The following TEAD1 variants were observed in gnomAD, a reference collection of about 807,000 sequenced individuals.
TEAD1 encodes the protein transcriptional enhancer factor TEF-1.
In TEAD1, 9 loss-of-function variants were observed where a neutral mutation model predicts 54.9. That is an observed-to-expected ratio of 0.16 (90% CI 0.10 to 0.29). The LOEUF is 0.29. TEAD1 is among the 10% of genes least tolerant of loss of function. The pLI, the probability that TEAD1 is intolerant of heterozygous loss-of-function variation, is 1.00. For missense variants in TEAD1, 387 were observed against 535.9 expected, an observed-to-expected ratio of 0.72 and a Z score of 2.74; for synonymous variants, 200 against 187.8, an observed-to-expected ratio of 1.07 and a Z score of -0.53.
At chr11:12,794,733 A>T (rs1222708446) in intron 3 of TEAD1, among the ~76,000 whole-genome samples, 1 of 152,180 alleles carries the variant, frequency 6.6e-6, no homozygotes, top group Non-Finnish European at 1.5e-5. Flanking sequence ...CGGCAGGAGC[A>T]CCCGAGTGGG....
At chr11:12,855,274 T>C (rs1051629974) in intron 3 of TEAD1, among the ~76,000 whole-genome samples, 1 of 152,070 alleles carries the variant, frequency 6.6e-6, no homozygotes, top group African/African-American at 2.4e-5. Context: ...TTTCTTTTTT[T>C]TTCTTTTTTC....
chr11:12,756,170 G>C (rs1252964136), intron 2 of TEAD1, among the ~76,000 whole-genome samples: 1 of 152,164 alleles, frequency 6.6e-6, no homozygotes, highest in African/African-American at 2.4e-5. Flanking sequence ...TTGTTGATGG[G>C]ATTCTGTTGA....
intron 10 of TEAD1, among the ~76,000 whole-genome samples, chr11:12,917,348 C>G (rs1048892378): frequency 6.6e-6 from 1 of 152,120 alleles, no homozygotes; most frequent in Non-Finnish European, 1.5e-5. Context: ...TAAGGAGTTG[C>G]GTCCCTTCTA....
At chr11:12,676,252 G>C (rs1943084920) in intron 2 of TEAD1, among the ~76,000 whole-genome samples, 1 of 152,230 alleles carries the variant, frequency 6.6e-6, no homozygotes, top group Admixed American at 6.5e-5. Flanking sequence ...TTTCCACCTT[G>C]GTTGTTTTTG....
chr11:12,824,091 T>G (rs1359194517), intron 3 of TEAD1, among the ~76,000 whole-genome samples: 5 of 152,242 alleles, frequency 3.3e-5, no homozygotes, highest in Non-Finnish European at 2.9e-5. Context: ...ATTGTTTCCT[T>G]TCTCACAAGA....
intron 3 of TEAD1, among the ~76,000 whole-genome samples, chr11:12,831,764 G>A (rs1222248279): frequency 6.7e-6 from 1 of 148,290 alleles, no homozygotes; most frequent in Non-Finnish European, 1.5e-5. Flanking sequence ...CCTGGTGACA[G>A]AGTGAGACGC....
intron 9 of TEAD1, among the ~76,000 whole-genome samples, chr11:12,897,475 G>A (rs1948334722): frequency 6.6e-6 from 1 of 152,136 alleles, no homozygotes; most frequent in Non-Finnish European, 1.5e-5. Context: ...GGGAGAGGGT[G>A]GTCTGTTTGT....
chr11:12,814,849 GT>G (rs2133993757), intron 3 of TEAD1, among the ~76,000 whole-genome samples: 1 of 149,174 alleles, frequency 6.7e-6, no homozygotes, highest in East Asian at 2.0e-4. Flanking sequence ...GTCCCCGTCC[GT>G]CCCGAGCTGT....
At chr11:12,708,120 A>G (rs1224762757) in intron 2 of TEAD1, among the ~76,000 whole-genome samples, 2 of 147,538 alleles carry the variant, frequency 1.4e-5, no homozygotes, top group Non-Finnish European at 3.0e-5. Context: ...CAATTCCAGC[A>G]GCTGCTCACT....
At chr11:12,811,973 C>T (rs938760685) in intron 3 of TEAD1, among the ~76,000 whole-genome samples, 10 of 152,110 alleles carry the variant, frequency 6.6e-5, no homozygotes, top group African/African-American at 2.4e-4. Flanking sequence ...TCCTGTTTTG[C>T]TTTATGATGT....
chr11:12,785,593 A>G (rs1303535298), intron 3 of TEAD1, among the ~76,000 whole-genome samples: 1 of 152,168 alleles, frequency 6.6e-6, no homozygotes, highest in African/African-American at 2.4e-5. Context: ...CTTTTGGCTC[A>G]ATTCTTATTC....
intron 5 of TEAD1, among the ~76,000 whole-genome samples, chr11:12,877,705 C>T (rs1319700822): frequency 1.3e-5 from 2 of 151,292 alleles, no homozygotes; most frequent in Non-Finnish European, 2.9e-5. Context: ...GCTCCGTTTT[C>T]TTTTTCCCCC....
chr11:12,792,689 G>T (rs993506063), intron 3 of TEAD1, among the ~76,000 whole-genome samples: 1 of 152,078 alleles, frequency 6.6e-6, no homozygotes, highest in Non-Finnish European at 1.5e-5. Flanking sequence ...CGCCTGTATG[G>T]GTGCTATGAG....
chr11:12,703,493 C>A (rs1377701769), intron 2 of TEAD1, among the ~76,000 whole-genome samples: 2 of 152,160 alleles, frequency 1.3e-5, no homozygotes, highest in African/African-American at 4.8e-5. Flanking sequence ...TCTTAAAGCA[C>A]CTCCTTTAGG....
At chr11:12,699,316 T>C (rs533394391) in intron 2 of TEAD1, among the ~76,000 whole-genome samples, 12 of 152,340 alleles carry the variant, frequency 7.9e-5, no homozygotes, top group African/African-American at 2.6e-4. Flanking sequence ...GATTTTTTTT[T>C]CCCTAGCTTT....
intron 9 of TEAD1, among the ~76,000 whole-genome samples, chr11:12,884,796 G>A (rs576760703): frequency 6.6e-6 from 1 of 152,286 alleles, no homozygotes; most frequent in East Asian, 1.9e-4. Flanking sequence ...CAGCTGAGTG[G>A]CTAACAGGAA....
At chr11:12,692,227 C>G (rs938226361) in intron 2 of TEAD1, among the ~76,000 whole-genome samples, 1 of 152,096 alleles carries the variant, frequency 6.6e-6, no homozygotes, top group Non-Finnish European at 1.5e-5. Context: ...AGGCCAACCA[C>G]CCCCCAGTCC....
Position 12,939,150 on chromosome 11 carries a change from A to G in TEAD1, c.*1928A>G, listed in dbSNP as rs1448019406. 1.3e-5 allele frequency: 2 copies of G among 152,226 alleles called. No homozygotes were observed. The highest frequency in any genetic ancestry group is 4.8e-5 in the African/African-American group (2 of 41,446). The allele number at this position is 152,226 out of a possible 1,614,324, so 9.4% of individuals were successfully genotyped here. A position where few individuals can be genotyped will look rare whatever the true frequency, so the allele number is the denominator to read the frequency against. ...AAAACTGTCCCCATTTGGAATGCCC[A>G]TTCCTTCTAGAAACCAGTTGGACAG... On this transcript the variant is annotated 3_prime_UTR_variant, in exon 13 of 13. Transcript: ENST00000527636.
At chr11:12,925,674 A>C (rs143937886) in intron 11 of TEAD1, among the ~76,000 whole-genome samples, 1 of 152,138 alleles carries the variant, frequency 6.6e-6, no homozygotes, top group Non-Finnish European at 1.5e-5. Context: ...AGTGCTGTGC[A>C]CCTTTGCTTG....
Sources: gnomAD v4.1 joint callset for allele counts (sites outside exome capture counted in the v4.1 genomes callset) on GRCh38, gnomAD v4.1.1 for gene constraint, MANE v1.5 for transcripts, NCBI Gene and HGNC (gene_info 2026-07-23, HGNC 2026-07-21) for gene names.